The following TBC1D9 variants were observed in gnomAD, a reference collection of about 807,000 sequenced individuals.
TBC1D9 encodes TBC1 domain family member 9.
TBC1D9 carries 63 observed loss-of-function variants against 132.0 expected under a neutral mutation model. The observed-to-expected ratio is 0.48, with a 90% CI of 0.39 to 0.59. The LOEUF (loss-of-function observed/expected upper bound fraction) is 0.59. TBC1D9 is among the 20% of genes least tolerant of loss of function. The pLI, the probability that TBC1D9 is intolerant of heterozygous loss-of-function variation, is 0.00. For synonymous variants in TBC1D9, 610 were observed against 609.9 expected (o/e 1.00, Z 0.00); for missense variants, 1,261 against 1,592.7 (o/e 0.79, Z 3.54).
chr4:140,679,587 T>G, intron 4 of TBC1D9, 28 bp downstream of exon 4: 2 of 1,569,646 alleles, frequency 1.3e-6, no homozygotes, highest in Non-Finnish European at 1.7e-6. Context: ...CTTTCCAAAG[T>G]TTCCTGCTGA....
At chr4:140,681,780 T>G (rs1030236592) in intron 3 of TBC1D9, among the ~76,000 whole-genome samples, 1 of 152,210 alleles carries the variant, frequency 6.6e-6, no homozygotes, top group African/African-American at 2.4e-5. Flanking sequence ...AAATCTGCAC[T>G]GAATCTTAAC....
At position 140,679,760 on chromosome 4, in the gene TBC1D9, A is replaced by G. The variant is rs142150086; in HGVS notation, c.444T>C (p.Phe148=). ...TEKFKEAIVK[F]HRLFGMPEEE... ...CCTCTGGCATCCCAAACAGCCTATG[A>G]AATTTCACAATGGCTTCTTTAAACT... Residue 148 remains phenylalanine (F), a synonymous_variant, in exon 4 of 21, where the codon TTT becomes TTC. Transcript: ENST00000442267. 2.5e-4 allele frequency: 399 copies of G among 1,613,882 alleles called. 5 individuals are homozygous for G. The East Asian group carries it at 8.8e-3, about 35-fold the overall frequency.
At chr4:140,735,608 G>A (rs1242341191) in intron 1 of TBC1D9, among the ~76,000 whole-genome samples, 1 of 152,140 alleles carries the variant, frequency 6.6e-6, no homozygotes, top group East Asian at 1.9e-4. Context: ...GCTACCTGTG[G>A]ACTGAGGCAG....
chr4:140,640,448 G>T (rs775398988), intron 13 of TBC1D9, among the ~76,000 whole-genome samples: 11 of 17,962 alleles, frequency 6.1e-4, no homozygotes, highest in Non-Finnish European at 9.8e-4. Flanking sequence ...GTGGTGGGGT[G>T]GGGGGGGGAG....
At chr4:140,671,334 G>A (rs1034650850) in intron 6 of TBC1D9, among the ~76,000 whole-genome samples, 2 of 152,072 alleles carry the variant, frequency 1.3e-5, no homozygotes. Context: ...CCACCACAAC[G>A]AAAGCCTGTC....
At chr4:140,719,115 AAAAT>A (rs200581012) in intron 1 of TBC1D9, among the ~76,000 whole-genome samples, 8,913 of 141,328 alleles carry the variant, frequency 0.063, 436 homozygotes, top group African/African-American at 0.13. Flanking sequence ...ACTCCATCTC[AAAAT>A]AAATAAATAA....
chr4:140,693,098 T>C (rs1040589944), intron 2 of TBC1D9, among the ~76,000 whole-genome samples: 14 of 151,950 alleles, frequency 9.2e-5, no homozygotes, highest in Admixed American at 7.2e-4. Context: ...CTGAAGTCTA[T>C]ATATATGTAT....
At chr4:140,740,530 C>T (rs1237784760) in intron 1 of TBC1D9, among the ~76,000 whole-genome samples, 1 of 152,190 alleles carries the variant, frequency 6.6e-6, no homozygotes, top group Non-Finnish European at 1.5e-5. Flanking sequence ...AAACATTCAC[C>T]TTATCTTATG....
chr4:140,744,127 G>C (rs1449141405), intron 1 of TBC1D9, among the ~76,000 whole-genome samples: 1 of 152,030 alleles, frequency 6.6e-6, no homozygotes, highest in African/African-American at 2.4e-5. Flanking sequence ...GGATGGAGGT[G>C]GGGGGGATTC....
intron 1 of TBC1D9, among the ~76,000 whole-genome samples, chr4:140,727,123 C>A (rs180913031): frequency 1.3e-5 from 2 of 152,266 alleles, no homozygotes; most frequent in East Asian, 3.9e-4. Context: ...ATAGAGAGAA[C>A]TTAGACTCTG....
intron 1 of TBC1D9, among the ~76,000 whole-genome samples, chr4:140,717,391 C>T (rs916058858): frequency 9.2e-5 from 14 of 152,284 alleles, no homozygotes; most frequent in South Asian, 4.1e-4. Context: ...CCGTAGAGGC[C>T]TTCCTGTTCA....
intron 12 of TBC1D9, 136 bp from the exon 13 acceptor site, chr4:140,657,362 A>T (rs1737289531): frequency 7.3e-7 from 1 of 1,366,292 alleles, no homozygotes; most frequent in Admixed American, 2.4e-5. Flanking sequence ...AGAGAGAAAG[A>T]AATTCTGTTA....
chr4:140,628,172 G>A, intron 17 of TBC1D9, 128 bp downstream of exon 17: 1 of 721,800 alleles, frequency 1.4e-6, no homozygotes, highest in Non-Finnish European at 2.4e-6. Context: ...TCATTGTTCA[G>A]TTAGTTCTTA....
intron 9 of TBC1D9, among the ~76,000 whole-genome samples, chr4:140,664,573 G>A (rs577361301): frequency 6.6e-6 from 1 of 152,242 alleles, no homozygotes; most frequent in Admixed American, 6.5e-5. Flanking sequence ...AAAACTTACT[G>A]CAAAGCTACA....
rs1736672279 is a variant in TBC1D9, at chr4:140,624,314, C to G, written c.2974G>C (p.Gly992Arg). ...AACATATAGAAGAGAATATCCTTAC[C>G]TTTGTCTGGCTTTAGGCTCACCGTA... ...FVTVSLKPDK[G>R]KRANSQENRN... The change falls in exon 19 of 21, where the codon GGG becomes CGG. Residue 992 changes from glycine to arginine, a missense_variant and splice_region_variant. Physicochemically the swap from Gly to Arg is moderately radical, Grantham distance 125 (BLOSUM62 -2). Transcript: ENST00000442267. 5.0e-6 allele frequency: 8 copies of G among 1,613,640 alleles called. No individual in the cohort carries two copies. Among genetic ancestry groups the G allele is most frequent in the Non-Finnish European group, 6.8e-6 (8 of 1,179,764 alleles).
At chr4:140,697,801 A>T (rs1196084800) in intron 2 of TBC1D9, among the ~76,000 whole-genome samples, 1 of 152,192 alleles carries the variant, frequency 6.6e-6, no homozygotes, top group Non-Finnish European at 1.5e-5. Context: ...AATGACAACA[A>T]AGGTAATGGC....
At chr4:140,672,537 A>G (rs1453080716) in intron 6 of TBC1D9, among the ~76,000 whole-genome samples, 3 of 152,196 alleles carry the variant, frequency 2.0e-5, no homozygotes, top group Non-Finnish European at 4.4e-5. Context: ...AGGTTACATT[A>G]TGTGTCTAAA....
intron 3 of TBC1D9, among the ~76,000 whole-genome samples, chr4:140,682,774 A>G (rs1051433606): frequency 3.3e-5 from 5 of 152,186 alleles, no homozygotes; most frequent in African/African-American, 1.2e-4. Context: ...GCTCTTACCT[A>G]AAGTCAAAAT....
intron 13 of TBC1D9, among the ~76,000 whole-genome samples, chr4:140,646,767 T>C (rs1578823028): frequency 6.6e-6 from 1 of 152,232 alleles, no homozygotes; most frequent in Non-Finnish European, 1.5e-5. Context: ...ACCAGCAATG[T>C]GGTGAGTGGG....
Sources: allele counts gnomAD v4.1 joint callset (sites outside exome capture counted in the v4.1 genomes callset), GRCh38; gene constraint gnomAD v4.1.1; transcripts MANE v1.5; gene names NCBI Gene and HGNC (gene_info 2026-07-23, HGNC 2026-07-21).